Variants in ZFAND3 observed in about 807,000 individuals in gnomAD.
ZFAND3 encodes AN1-type zinc finger protein 3.
ZFAND3 carries 10 observed loss-of-function variants against 29.6 expected under a neutral mutation model. That is an observed-to-expected ratio of 0.34 (90% CI 0.21 to 0.57). ZFAND3 has a LOEUF of 0.57. Ranked by LOEUF, ZFAND3 falls within the 20% of genes least tolerant of loss-of-function variation. ZFAND3 has a pLI of 0.86. For synonymous variants in ZFAND3, 128 were observed against 112.6 expected (o/e 1.14, Z -0.87); for missense variants, 230 against 304.5 (o/e 0.76, Z 1.82).
chr6:37,977,706 A>G (rs1407714331), intron 2 of ZFAND3, among the ~76,000 whole-genome samples: 1 of 150,604 alleles, frequency 6.6e-6, no homozygotes, highest in African/African-American at 2.4e-5. Flanking sequence ...GAGATTAGCT[A>G]TAGGTTTTTC....
chr6:37,943,482 A>G (rs1373753178), intron 2 of ZFAND3, among the ~76,000 whole-genome samples: 3 of 152,132 alleles, frequency 2.0e-5, no homozygotes, highest in Admixed American at 6.6e-5. Flanking sequence ...TGTTTTCCTT[A>G]ACTCATATGT....
chr6:37,849,184 G>A (rs1448445948), intron 1 of ZFAND3, among the ~76,000 whole-genome samples: 1 of 152,114 alleles, frequency 6.6e-6, no homozygotes, highest in African/African-American at 2.4e-5. Flanking sequence ...GAGTGAAGAT[G>A]GAGGAGAATG....
At chr6:37,873,001 G>A (rs962512872) in intron 1 of ZFAND3, among the ~76,000 whole-genome samples, 1 of 152,240 alleles carries the variant, frequency 6.6e-6, no homozygotes, top group Non-Finnish European at 1.5e-5. Context: ...GCTCACGCCT[G>A]TAATCCCAGC....
chr6:38,005,044 A>T (rs1763025423), intron 2 of ZFAND3, among the ~76,000 whole-genome samples: 1 of 152,248 alleles, frequency 6.6e-6, no homozygotes, highest in South Asian at 2.1e-4. Context: ...AACCTGTAAC[A>T]AGAAGAGATA....
chr6:37,926,529 CTT>C (rs1378655058), intron 1 of ZFAND3, among the ~76,000 whole-genome samples: 1 of 152,188 alleles, frequency 6.6e-6, no homozygotes, highest in African/African-American at 2.4e-5. Flanking sequence ...GCCTCTCTCT[CTT>C]GTGATGTCAT....
In ZFAND3 at chr6:37,855,655, C is replaced by G. The variant is rs76994769; in HGVS notation, c.71+35639C>G. ...TAAAATTTGAAGAGAGGAGTGAGTA[C>G]TCTCTCTAGTATCTTTTCTTTTTGG... On this transcript the variant is annotated intron_variant, in intron 1 of 5. Coordinates refer to ENST00000287218, the MANE Select transcript of ZFAND3 (RefSeq NM_021943.3). Among the ~76,000 whole-genome samples the G allele has an allele frequency of 0.017, 2,588 of 152,196 alleles. 253 individuals are homozygous for G. The East Asian group carries it at 0.28, about 16-fold the overall frequency.
chr6:37,914,682 T>TTTTTTTTTTTTTTA (rs56246279), intron 1 of ZFAND3, among the ~76,000 whole-genome samples: 4 of 147,800 alleles, frequency 2.7e-5, no homozygotes, highest in Non-Finnish European at 4.5e-5. Flanking sequence ...CTTTTTTTTT[T>TTTTTTTTTTTTTTA]AGTGGAGACG....
At chr6:37,943,064 A>G (rs1465686459) in intron 2 of ZFAND3, among the ~76,000 whole-genome samples, 4 of 152,188 alleles carry the variant, frequency 2.6e-5, no homozygotes, top group South Asian at 2.1e-4. Context: ...GAACAGTTCA[A>G]TTAAAAAGTA....
intron 2 of ZFAND3, among the ~76,000 whole-genome samples, chr6:37,959,183 G>A (rs1561947193): frequency 6.6e-6 from 1 of 152,260 alleles, no homozygotes; most frequent in Non-Finnish European, 1.5e-5. Context: ...TTTAACCAAT[G>A]TGATGCAGCA....
At chr6:37,899,588 A>T (rs1274296288) in intron 1 of ZFAND3, among the ~76,000 whole-genome samples, 1 of 152,192 alleles carries the variant, frequency 6.6e-6, no homozygotes, top group Non-Finnish European at 1.5e-5. Context: ...GTAGATGTAA[A>T]CTAATACTTG....
At chr6:38,081,103 A>G (rs1764651997) in intron 3 of ZFAND3, among the ~76,000 whole-genome samples, 1 of 151,270 alleles carries the variant, frequency 6.6e-6, no homozygotes, top group Admixed American at 6.6e-5. Flanking sequence ...GCCACTTTCT[A>G]TCTAGCTATT....
intron 5 of ZFAND3, among the ~76,000 whole-genome samples, chr6:38,124,748 G>A (rs1765601088): frequency 1.3e-5 from 2 of 152,214 alleles, no homozygotes; most frequent in Non-Finnish European, 2.9e-5. Context: ...GCCTCAACCA[G>A]CCCAGAGAGG....
At chr6:38,053,691 T>A (rs1764075320) in intron 2 of ZFAND3, among the ~76,000 whole-genome samples, 2 of 152,196 alleles carry the variant, frequency 1.3e-5, no homozygotes, top group South Asian at 2.1e-4. Context: ...AGAGTGAGAC[T>A]CTGTCTCAAA....
intron 4 of ZFAND3, among the ~76,000 whole-genome samples, chr6:38,115,578 G>T (rs1049101280): frequency 2.0e-5 from 3 of 152,148 alleles, no homozygotes; most frequent in Non-Finnish European, 4.4e-5. Context: ...CAAGGTGGGG[G>T]TGACAGAGGG....
chr6:38,033,739 T>A (rs1763607544), intron 2 of ZFAND3, among the ~76,000 whole-genome samples: 1 of 152,194 alleles, frequency 6.6e-6, no homozygotes, highest in African/African-American at 2.4e-5. Context: ...ATCTTTTGTT[T>A]TACTGATAGC....
intron 1 of ZFAND3, among the ~76,000 whole-genome samples, chr6:37,823,119 C>CT (rs1295566416): frequency 6.6e-6 from 1 of 152,054 alleles, no homozygotes; most frequent in East Asian, 1.9e-4. Context: ...GGGTATGACT[C>CT]TGTGTGTCTG....
At chr6:37,857,965 T>G (rs2127382344) in intron 1 of ZFAND3, among the ~76,000 whole-genome samples, 1 of 152,274 alleles carries the variant, frequency 6.6e-6, no homozygotes, top group East Asian at 1.9e-4. Context: ...GTCTGTTTAT[T>G]AATTGTGCAT....
At chr6:37,842,836 T>G (rs534761073) in intron 1 of ZFAND3, among the ~76,000 whole-genome samples, 1 of 152,264 alleles carries the variant, frequency 6.6e-6, no homozygotes, top group South Asian at 2.1e-4. Flanking sequence ...AAATCTTAAT[T>G]TCTTTCTGGG....
At chr6:38,046,135 G>A (rs114158203) in intron 2 of ZFAND3, among the ~76,000 whole-genome samples, 109 of 152,268 alleles carry the variant, frequency 7.2e-4, no homozygotes, top group Non-Finnish European at 1.1e-3. Context: ...TTAATGGTAA[G>A]CACCATCTCT....
Sources: allele counts gnomAD v4.1 joint callset (sites outside exome capture counted in the v4.1 genomes callset), GRCh38; gene constraint gnomAD v4.1.1; transcripts MANE v1.5; gene names NCBI Gene and HGNC (gene_info 2026-07-23, HGNC 2026-07-21).